AP3B1: variants seen among roughly 807,000 people sequenced by gnomAD.
AP3B1 encodes adaptor related protein complex 3 subunit beta 1.
A neutral mutation model predicts 132.5 loss-of-function variants in AP3B1; 61 were observed. That is an observed-to-expected ratio of 0.46 (90% CI 0.37 to 0.57). AP3B1 has a LOEUF of 0.57. Ranked by LOEUF, AP3B1 falls within the 20% of genes least tolerant of loss-of-function variation. The pLI is 0.00. For missense variants in AP3B1, 1,120 were observed against 1,289.4 expected (o/e 0.87, Z 2.01); for synonymous variants, 388 against 438.3 (o/e 0.89, Z 1.43).
At chr5:78,190,404 T>C (rs1377925911) in intron 7 of AP3B1, among the ~76,000 whole-genome samples, 1 of 152,136 alleles carries the variant, frequency 6.6e-6, no homozygotes, top group African/African-American at 2.4e-5. Flanking sequence ...GTGGACGTTT[T>C]TATGAGGTTA....
At chr5:78,193,749 T>C (rs1334761823) in intron 7 of AP3B1, among the ~76,000 whole-genome samples, 3 of 58,562 alleles carry the variant, frequency 5.1e-5, no homozygotes, top group Non-Finnish European at 9.8e-5. Context: ...TTTTTTTATA[T>C]ATATATATAT....
intron 1 of AP3B1, 31 bp from the exon 2 acceptor site, chr5:78,267,626 A>G: frequency 7.4e-7 from 1 of 1,359,064 alleles, no homozygotes; most frequent in Non-Finnish European, 1.0e-6. Flanking sequence ...AAAAATCCAT[A>G]CTTTGATTTT....
rs141529230 is a variant in AP3B1 at position 78,095,032 on chromosome 5, G to A, written c.2471-5533C>T. Among the ~76,000 whole-genome samples, 15 of 152,294 alleles carry A rather than the reference G, an allele frequency of 9.8e-5. No individual in the cohort carries two copies. The East Asian group carries it at 2.7e-3, about 27-fold the overall frequency. The stretch of plus-strand genomic sequence containing the variant: ...AAAAGTTAAATTTTGATACCGCTAG[G>A]TGGATTAGGAACCTTGATACTGAAC... On this transcript the variant is annotated intron_variant, in intron 21 of 26. Coordinates refer to ENST00000255194, the MANE Select transcript of AP3B1 (RefSeq NM_003664.5).
chr5:78,245,311 A>G (rs1580537567), intron 2 of AP3B1, among the ~76,000 whole-genome samples: 1 of 152,214 alleles, frequency 6.6e-6, no homozygotes, highest in Non-Finnish European at 1.5e-5. Flanking sequence ...CAAACAGCCT[A>G]TCTTTAACTT....
intron 26 of AP3B1, among the ~76,000 whole-genome samples, chr5:78,012,790 C>T (rs1421195414): frequency 1.3e-5 from 2 of 152,160 alleles, no homozygotes; most frequent in Non-Finnish European, 2.9e-5. Flanking sequence ...TCTCTGCACT[C>T]CAAAGTCAAA....
chr5:78,102,805 G>A (rs415443), intron 20 of AP3B1, among the ~76,000 whole-genome samples: 26,499 of 152,080 alleles, frequency 0.17, 2,855 homozygotes, highest in Admixed American at 0.28. Context: ...TCAAGATAAA[G>A]TTAAAGCTGA....
At chr5:78,208,105 G>C (rs1745587029) in intron 7 of AP3B1, among the ~76,000 whole-genome samples, 1 of 152,052 alleles carries the variant, frequency 6.6e-6, no homozygotes, top group Non-Finnish European at 1.5e-5. Flanking sequence ...GAGAGAAAGA[G>C]AGAGAGAAGA....
intron 13 of AP3B1, among the ~76,000 whole-genome samples, chr5:78,159,140 T>C (rs1362923097): frequency 6.6e-6 from 1 of 152,218 alleles, no homozygotes; most frequent in Non-Finnish European, 1.5e-5. Flanking sequence ...AAGCAAAATT[T>C]GGTAAGTGTG....
chr5:78,251,052 G>A (rs1287981494), intron 2 of AP3B1, among the ~76,000 whole-genome samples: 1 of 152,016 alleles, frequency 6.6e-6, no homozygotes, highest in Non-Finnish European at 1.5e-5. Context: ...AGAAAAGGGA[G>A]AAAATAAATA....
rs528012819 is a variant in AP3B1, at chr5:78,204,484, G to A, written c.786+11571C>T. 1.1e-4 allele frequency among the ~76,000 whole-genome samples: 16 copies of A among 152,212 alleles called. No individual in the cohort carries two copies. The South Asian group carries it at 2.1e-3, about 20-fold the overall frequency. ...TTTCTGAGTAGGTGTCTAACCCTAC[G>A]CATGAAATGGACTTTCTAGATCCCA... is the stretch of plus-strand genomic sequence containing the variant. On this transcript the variant is annotated intron_variant, in intron 7 of 26. Transcript: ENST00000255194.
At chr5:78,238,248 G>A (rs537430678) in intron 3 of AP3B1, among the ~76,000 whole-genome samples, 3 of 152,260 alleles carry the variant, frequency 2.0e-5, no homozygotes, top group South Asian at 2.1e-4. Flanking sequence ...AGAATCTAAC[G>A]CCTGATGATC....
intron 17 of AP3B1, among the ~76,000 whole-genome samples, chr5:78,120,268 G>A (rs1010910417): frequency 1.3e-5 from 2 of 152,342 alleles, no homozygotes; most frequent in Non-Finnish European, 2.9e-5. Context: ...TCAAGGCTAG[G>A]AAGAAACTGC....
At chr5:78,087,342 C>T (rs1750306074) in intron 22 of AP3B1, 1 of 186,590 alleles carries the variant, frequency 5.4e-6, no homozygotes, top group Non-Finnish European at 1.0e-5. Context: ...AATGAGGAAG[C>T]TTAAACTCTG....
chr5:78,135,292 A>G (rs560680092), intron 15 of AP3B1, among the ~76,000 whole-genome samples: 96 of 152,340 alleles, frequency 6.3e-4, no homozygotes, highest in African/African-American at 2.3e-3. Context: ...ACACATATCC[A>G]TATTTCAAAA....
chr5:78,197,308 T>C (rs532624087), intron 7 of AP3B1, among the ~76,000 whole-genome samples: 3 of 152,144 alleles, frequency 2.0e-5, no homozygotes, highest in East Asian at 3.9e-4. Flanking sequence ...GAATAAAATA[T>C]AGCTTTTCAC....
chr5:78,131,113 T>C (rs1380427666), intron 15 of AP3B1, among the ~76,000 whole-genome samples: 17 of 151,858 alleles, frequency 1.1e-4, no homozygotes, highest in Admixed American at 1.1e-3. Context: ...TAAAAACAAA[T>C]TTGTGTACAA....
chr5:78,121,959 C>G (rs886903067), intron 17 of AP3B1: 8 of 152,236 alleles, frequency 5.3e-5, no homozygotes, highest in Non-Finnish European at 7.3e-5. Context: ...AAAATACTGG[C>G]AAACCGAATC....
intron 17 of AP3B1, among the ~76,000 whole-genome samples, chr5:78,126,096 A>G (rs575500154): frequency 1.4e-4 from 22 of 152,144 alleles, no homozygotes; most frequent in African/African-American, 4.8e-4. Flanking sequence ...ATGAAAAAAA[A>G]AAACGAACCA....
At position 78,009,277 on chromosome 5, in the gene AP3B1, A is replaced by T. The variant is rs973013729; in HGVS notation, c.3131+6133T>A. On this transcript the variant is annotated intron_variant, in intron 26 of 26. Transcript: ENST00000255194. ...CAAGACCAGCCTGGGCAACATAGGG[A>T]CACCCTGTCTCTACAAAAAAAAAAA... Among the ~76,000 whole-genome samples the T allele has an allele frequency of 3.4e-5, 5 of 147,360 alleles. No homozygotes were observed. The South Asian group carries it at 1.1e-3, about 32-fold the overall frequency.
Sources: gnomAD v4.1 joint callset for allele counts (sites outside exome capture counted in the v4.1 genomes callset) on GRCh38, gnomAD v4.1.1 for gene constraint, MANE v1.5 for transcripts, NCBI Gene and HGNC (gene_info 2026-07-23, HGNC 2026-07-21) for gene names.